Variants in MORC3 observed in about 807,000 individuals in gnomAD.
MORC3 encodes the protein MORC family CW-type zinc finger 3.
In MORC3, 31 loss-of-function variants were observed where a neutral mutation model predicts 109.1. The ratio of observed to expected loss-of-function variants is 0.28; its 90% CI spans 0.21 to 0.38. The LOEUF is 0.38. Ranked by LOEUF, MORC3 falls within the 10% of genes least tolerant of loss-of-function variation. MORC3 has a pLI of 1.00. For synonymous variants in MORC3, 395 were observed against 380.7 expected (o/e 1.04, Z -0.44); for missense variants, 867 against 1,135.8 (o/e 0.76, Z 3.40).
At chr21:36,355,151 G>A (rs185228370) in intron 9 of MORC3, among the ~76,000 whole-genome samples, 14 of 152,168 alleles carry the variant, frequency 9.2e-5, no homozygotes, top group East Asian at 1.9e-4. Flanking sequence ...AATCTTTTCC[G>A]TAGATTTGCT....
At position 36,375,462 on chromosome 21, in the gene MORC3, A is replaced by G. The variant is rs2085919898; in HGVS notation, c.*166A>G. 5.1e-6 allele frequency: 3 copies of G among 591,294 alleles called. No homozygotes were observed. Among genetic ancestry groups the G allele is most frequent in the Admixed American group, 3.6e-5 (1 of 27,652 alleles). The allele number at this position is 591,294 out of a possible 1,614,324, so 36.6% of individuals were successfully genotyped here. Reference sequence around the variant, plus strand: ...TGGTCACAAATATTGTGGACACATTATCTTATGTTTTGAAATACCTGTGAA... The same window carrying G: ...TGGTCACAAATATTGTGGACACATTGTCTTATGTTTTGAAATACCTGTGAA... On this transcript the variant is annotated 3_prime_UTR_variant, in exon 17 of 17. Transcript: ENST00000400485.
intron 6 of MORC3, among the ~76,000 whole-genome samples, chr21:36,342,264 G>A (rs2085458242): frequency 6.6e-6 from 1 of 152,038 alleles, no homozygotes; most frequent in Non-Finnish European, 1.5e-5. Context: ...AAAATTTAAC[G>A]TATTCTAGAA....
chr21:36,357,557 T>G (rs1436241156), intron 10 of MORC3, among the ~76,000 whole-genome samples: 1 of 151,328 alleles, frequency 6.6e-6, no homozygotes, highest in Non-Finnish European at 1.5e-5. Flanking sequence ...GCTTGTATTT[T>G]TTTAATGTGT....
In MORC3 at chr21:36,352,755, T is replaced by C. The variant is rs564975911; in HGVS notation, c.1103+3347T>C. Among the ~76,000 whole-genome samples the C allele has an allele frequency of 2.6e-5, 4 of 152,268 alleles. No individual in the cohort carries two copies. In the East Asian group the frequency reaches 7.7e-4, roughly 29 times the overall value. The stretch of plus-strand genomic sequence containing the variant: ...TACCCCTCAGTCAAAGATCCACGTA[T>C]AACTCCTCAGAACCTTAAGAGCCTG... On this transcript the variant is annotated intron_variant, in intron 9 of 16. Transcript: ENST00000400485.
At chr21:36,342,167 G>A (rs1467474824) in intron 6 of MORC3, among the ~76,000 whole-genome samples, 1 of 152,140 alleles carries the variant, frequency 6.6e-6, no homozygotes, top group Non-Finnish European at 1.5e-5. Flanking sequence ...GTGGGGCAGT[G>A]CGGTTCACGG....
chr21:36,352,021 A>G (rs1370268269), intron 9 of MORC3, among the ~76,000 whole-genome samples: 1 of 152,188 alleles, frequency 6.6e-6, no homozygotes. Context: ...TAATTAAAAT[A>G]TTGGTAAATA....
chr21:36,346,802 C>G (rs1054886415), intron 8 of MORC3, among the ~76,000 whole-genome samples: 4 of 151,680 alleles, frequency 2.6e-5, no homozygotes, highest in Non-Finnish European at 5.9e-5. Flanking sequence ...GGGTGAGGTC[C>G]TATCTCAAAC....
chr21:36,356,199 A>C (rs1043936458), intron 9 of MORC3, among the ~76,000 whole-genome samples: 8 of 152,204 alleles, frequency 5.3e-5, no homozygotes, highest in African/African-American at 1.9e-4. Flanking sequence ...CTTGACTGCA[A>C]ATGAAACCAC....
rs2085879518 is a variant in MORC3 at position 36,372,354 on chromosome 21, C to T, written c.2509-20C>T. 6.5e-7 allele frequency: 1 copy of T among 1,536,574 alleles called. No homozygotes were observed. The highest frequency in any genetic ancestry group is 2.3e-5 in the Admixed American group (1 of 43,074). On this transcript the variant is annotated intron_variant, in intron 15 of 16. Transcript: ENST00000400485. ...ATTTTTAAGTTTTACAGTTATAAAG[C>T]TCATTTATATTTTTGTTAGGTTGAA...
chr21:36,360,562 A>G (rs1327712394), intron 12 of MORC3: 5 of 385,688 alleles, frequency 1.3e-5, no homozygotes, highest in South Asian at 8.8e-5. Context: ...GAGAAGGTGT[A>G]ACAGAAGAGG....
rs556314873 is a variant in MORC3 at position 36,364,626 on chromosome 21, A to G, written c.1619+367A>G. On this transcript the variant is annotated intron_variant, in intron 14 of 16. Transcript: ENST00000400485. ...CTGAGGCTGCACCCCAGCCTGGGCA[A>G]CAAGAGCAAAACTCCGTCTCAAAAA... 1.9e-3 allele frequency among the ~76,000 whole-genome samples: 283 copies of G among 151,980 alleles called. 1 individual carries two copies. Among genetic ancestry groups the G allele is most frequent in the African/African-American group, 6.2e-3 (257 of 41,438 alleles).
intron 1 of MORC3, among the ~76,000 whole-genome samples, chr21:36,331,214 A>G (rs1354316444): frequency 1.3e-5 from 2 of 152,118 alleles, no homozygotes; most frequent in Non-Finnish European, 1.5e-5. Flanking sequence ...TTTTCCCCTT[A>G]TTAGGAGAGA....
At chr21:36,334,975 A>AG (rs1401467059) in intron 2 of MORC3, among the ~76,000 whole-genome samples, 4 of 152,046 alleles carry the variant, frequency 2.6e-5, no homozygotes, top group African/African-American at 9.7e-5. Context: ...TACAAAAAAT[A>AG]CAAAAATTCG....
At chr21:36,348,430 G>A (rs1296322897) in intron 8 of MORC3, among the ~76,000 whole-genome samples, 2 of 152,152 alleles carry the variant, frequency 1.3e-5, no homozygotes, top group Non-Finnish European at 1.5e-5. Flanking sequence ...TTTGAAAGAT[G>A]GAGTTTTACT....
chr21:36,354,070 C>CAAAAAAA (rs578005759), intron 9 of MORC3, among the ~76,000 whole-genome samples: 3 of 146,436 alleles, frequency 2.0e-5, no homozygotes, highest in Non-Finnish European at 4.5e-5. Flanking sequence ...GACCCTGTCT[C>CAAAAAAA]AAAAAAAAAG....
chr21:36,328,342 C>CTTT (rs959569308), intron 1 of MORC3, among the ~76,000 whole-genome samples: 4 of 130,054 alleles, frequency 3.1e-5, no homozygotes, highest in African/African-American at 8.3e-5. Flanking sequence ...CCCCCCCCGC[C>CTTT]TTTTTTTTTT....
At chr21:36,373,822 G>A (rs924097437) in intron 16 of MORC3, among the ~76,000 whole-genome samples, 1 of 152,136 alleles carries the variant, frequency 6.6e-6, no homozygotes, top group Admixed American at 6.5e-5. Flanking sequence ...TTATTATATT[G>A]TAGTGGGGTA....
At chr21:36,320,564 C>T (rs1053437124) in intron 1 of MORC3, 60 of 329,504 alleles carry the variant, frequency 1.8e-4, no homozygotes, top group Non-Finnish European at 3.0e-4. Context: ...TCCCAGCTCC[C>T]TCCTAGTCTC....
At chr21:36,344,841 A>G (rs919999578) in intron 7 of MORC3, 71 bp from the exon 8 acceptor site, 11 of 1,601,984 alleles carry the variant, frequency 6.9e-6, no homozygotes, top group Non-Finnish European at 9.4e-6. Context: ...GGACTTACCA[A>G]ATAATGAAAT....
Sources: gnomAD v4.1 joint callset for allele counts (sites outside exome capture counted in the v4.1 genomes callset) on GRCh38, gnomAD v4.1.1 for gene constraint, MANE v1.5 for transcripts, NCBI Gene and HGNC (gene_info 2026-07-23, HGNC 2026-07-21) for gene names.